Variants in TMCO4 observed in about 807,000 individuals in gnomAD.
TMCO4 encodes the protein transmembrane and coiled-coil domain-containing protein 4.
A neutral mutation model predicts 64.7 loss-of-function variants in TMCO4; 58 were observed. That is an observed-to-expected ratio of 0.90 (90% CI 0.73 to 1.12). The LOEUF (loss-of-function observed/expected upper bound fraction) is 1.12. Among genes scored for constraint, TMCO4 ranks in the 50% most tolerant of loss-of-function variants. The pLI is 0.00. For missense variants in TMCO4, 780 were observed against 825.9 expected, an observed-to-expected ratio of 0.94 and a Z score of 0.68; for synonymous variants, 325 against 346.1, an observed-to-expected ratio of 0.94 and a Z score of 0.68.
intron 6 of TMCO4, among the ~76,000 whole-genome samples, chr1:19,765,145 A>T (rs902438312): frequency 5.3e-5 from 8 of 152,202 alleles, no homozygotes; most frequent in African/African-American, 1.9e-4. Flanking sequence ...CCAGGGACCA[A>T]TACAGAGTTC....
intron 6 of TMCO4, among the ~76,000 whole-genome samples, chr1:19,759,201 C>T (rs1309805631): frequency 1.3e-5 from 2 of 151,512 alleles, no homozygotes; most frequent in East Asian, 1.9e-4. Context: ...CCTGTCCCGA[C>T]ATGTAACCCA....
chr1:19,745,321 C>T lies in TMCO4; in HGVS notation c.877+211G>A, dbSNP rs143912151. 2,414 of 693,500 alleles carry T rather than the reference C, an allele frequency of 3.5e-3. 57 individuals are homozygous for T. In the African/African-American group the frequency reaches 0.04, roughly 11 times the overall value. The allele number at this position is 693,500 out of a possible 1,614,324, so 43.0% of individuals were successfully genotyped here. ...GTGGGTAGGTGGATGGGTGGATGGACAGGTGGGTAGGTGGATAGATGGATG... is the reference window on the plus strand; with the variant it reads ...GTGGGTAGGTGGATGGGTGGATGGATAGGTGGGTAGGTGGATAGATGGATG... On this transcript the variant is annotated intron_variant, in intron 10 of 15. Coordinates refer to ENST00000294543, the MANE Select transcript of TMCO4 (RefSeq NM_181719.7).
intron 2 of TMCO4, among the ~76,000 whole-genome samples, chr1:19,795,145 T>C (rs149305667): frequency 2.4e-3 from 368 of 152,010 alleles, no homozygotes; most frequent in Middle Eastern, 0.01. Flanking sequence ...AATTTCATGG[T>C]ATGTGTATTT....
chr1:19,694,045 A>G (rs1318476411), intron 15 of TMCO4, among the ~76,000 whole-genome samples: 2 of 152,184 alleles, frequency 1.3e-5, no homozygotes, highest in Non-Finnish European at 2.9e-5. Flanking sequence ...TCTGATGCCT[A>G]GGCTGCAATG....
intron 3 of TMCO4, among the ~76,000 whole-genome samples, chr1:19,781,854 G>C (rs1012444276): frequency 6.6e-6 from 1 of 152,104 alleles, no homozygotes; most frequent in African/African-American, 2.4e-5. Context: ...CACTGTGTTA[G>C]CCAGGATGGT....
chr1:19,738,779 C>G (rs945818000), intron 12 of TMCO4, among the ~76,000 whole-genome samples: 1 of 152,188 alleles, frequency 6.6e-6, no homozygotes, highest in Non-Finnish European at 1.5e-5. Flanking sequence ...TCCATCCTCC[C>G]TTTTTTCCAT....
At chr1:19,763,123 T>A (rs756134124) in intron 6 of TMCO4, among the ~76,000 whole-genome samples, 6 of 152,114 alleles carry the variant, frequency 3.9e-5, no homozygotes, top group Non-Finnish European at 7.4e-5. Flanking sequence ...TCACCCAGGC[T>A]GGAGTGCAGT....
At chr1:19,787,813 T>C (rs2043820277) in intron 2 of TMCO4, among the ~76,000 whole-genome samples, 1 of 152,160 alleles carries the variant, frequency 6.6e-6, no homozygotes, top group Admixed American at 6.5e-5. Flanking sequence ...TGGAGTGCAG[T>C]GGTGCAATCT....
intron 13 of TMCO4, among the ~76,000 whole-genome samples, chr1:19,729,141 C>G (rs1318518256): frequency 1.3e-5 from 2 of 151,940 alleles, no homozygotes; most frequent in Admixed American, 6.6e-5. Flanking sequence ...AGGGTGACTA[C>G]AGTCAATAAT....
intron 13 of TMCO4, among the ~76,000 whole-genome samples, chr1:19,724,478 C>T (rs1480506126): frequency 2.0e-5 from 3 of 152,126 alleles, no homozygotes; most frequent in Non-Finnish European, 2.9e-5. Flanking sequence ...TCCTTATAGG[C>T]AAAATGGGAA....
intron 13 of TMCO4, among the ~76,000 whole-genome samples, chr1:19,733,374 G>A (rs1437985420): frequency 6.6e-6 from 1 of 152,184 alleles, no homozygotes; most frequent in African/African-American, 2.4e-5. Flanking sequence ...GCCAAGCACT[G>A]GGGACACACA....
intron 4 of TMCO4, among the ~76,000 whole-genome samples, chr1:19,776,088 A>C (rs1261798110): frequency 6.6e-6 from 1 of 152,104 alleles, no homozygotes; most frequent in Non-Finnish European, 1.5e-5. Context: ...TTGTATTTTT[A>C]GTAGAGACAG....
chr1:19,720,360 C>T (rs529677833), intron 13 of TMCO4, among the ~76,000 whole-genome samples: 3 of 152,148 alleles, frequency 2.0e-5, no homozygotes, highest in East Asian at 1.9e-4. Flanking sequence ...ATTTCTCAGG[C>T]GAGAGGACTG....
chr1:19,759,309 C>T (rs554186377), intron 6 of TMCO4, among the ~76,000 whole-genome samples: 1 of 152,156 alleles, frequency 6.6e-6, no homozygotes, highest in African/African-American at 2.4e-5. Context: ...CCCTCGCTCT[C>T]CAACCACCAG....
At chr1:19,692,402 T>C (rs2095202220) in intron 15 of TMCO4, among the ~76,000 whole-genome samples, 2 of 152,104 alleles carry the variant, frequency 1.3e-5, no homozygotes, top group African/African-American at 2.4e-5. Flanking sequence ...CTCAGTGACC[T>C]TGTCTGTACA....
intron 13 of TMCO4, among the ~76,000 whole-genome samples, chr1:19,709,325 A>C (rs2095318924): frequency 7.1e-6 from 1 of 141,414 alleles, no homozygotes. Context: ...GCACTGCCTG[A>C]CCTCCCCTCC....
chr1:19,775,041 A>T (rs58708531), intron 4 of TMCO4, among the ~76,000 whole-genome samples: 5,518 of 152,154 alleles, frequency 0.036, 329 homozygotes, highest in African/African-American at 0.12. Flanking sequence ...CACAGGGCGC[A>T]CCTGGCCTGC....
chr1:19,719,499 C>T (rs1049344408), intron 13 of TMCO4, among the ~76,000 whole-genome samples: 1 of 152,106 alleles, frequency 6.6e-6, no homozygotes, highest in Non-Finnish European at 1.5e-5. Context: ...ATGCCTATTA[C>T]TTGTGAGCCA....
At chr1:19,774,560 A>T (rs77826554) in intron 4 of TMCO4, among the ~76,000 whole-genome samples, 3,371 of 152,340 alleles carry the variant, frequency 0.022, 69 homozygotes, top group East Asian at 0.066. Flanking sequence ...AATTAAAAAA[A>T]ATATATATGC....
Sources: gnomAD v4.1 joint callset for allele counts (sites outside exome capture counted in the v4.1 genomes callset) on GRCh38, gnomAD v4.1.1 for gene constraint, MANE v1.5 for transcripts, NCBI Gene and HGNC (gene_info 2026-07-23, HGNC 2026-07-21) for gene names.